TUB: variants seen among roughly 807,000 people sequenced by gnomAD.
TUB encodes tubby protein homolog.
A neutral mutation model predicts 59.7 loss-of-function variants in TUB; 33 were observed. The observed-to-expected ratio is 0.55, with a 90% CI of 0.42 to 0.74. TUB has a LOEUF of 0.74. TUB is among the 30% of genes least tolerant of loss of function. TUB has a pLI of 0.00. For missense variants in TUB, 659 were observed against 672.0 expected, an observed-to-expected ratio of 0.98 and a Z score of 0.21; for synonymous variants, 293 against 256.4, an observed-to-expected ratio of 1.14 and a Z score of -1.36.
chr11:8,087,659 G>A (rs970177079), intron 1 of TUB, among the ~76,000 whole-genome samples: 5 of 152,240 alleles, frequency 3.3e-5, no homozygotes, highest in Admixed American at 2.0e-4. Context: ...TGCACTGTGC[G>A]TGTGGCTGAC....
intron 2 of TUB, among the ~76,000 whole-genome samples, chr11:8,070,321 C>T (rs569759264): frequency 2.7e-5 from 4 of 149,670 alleles, no homozygotes; most frequent in African/African-American, 7.7e-5. Context: ...TTATAATCTT[C>T]TTTATATGAA....
At chr11:8,045,544 A>G (rs948615021) in intron 2 of TUB, among the ~76,000 whole-genome samples, 1 of 152,244 alleles carries the variant, frequency 6.6e-6, no homozygotes, top group Admixed American at 6.5e-5. Flanking sequence ...AATATCCGAA[A>G]CCTGAAACGC....
At chr11:8,070,051 A>G (rs1943331338) in intron 2 of TUB, among the ~76,000 whole-genome samples, 1 of 152,218 alleles carries the variant, frequency 6.6e-6, no homozygotes, top group Non-Finnish European at 1.5e-5. Flanking sequence ...CAACATGGCC[A>G]CACTGGCTTT....
chr11:8,032,949 G>T (rs533660032), intron 1 of TUB, among the ~76,000 whole-genome samples: 7 of 152,308 alleles, frequency 4.6e-5, no homozygotes, highest in Non-Finnish European at 1.0e-4. Flanking sequence ...AATCTGTTTT[G>T]TCACCCGAGA....
Position 8,100,897 on chromosome 11 carries a change from A to C in TUB, c.1287A>C (p.Thr429=). The change falls in exon 11 of 12, where the codon ACA becomes ACC. Residue 429 remains threonine, a synonymous_variant. Transcript: ENST00000299506. Reference sequence around the variant, plus strand: ...GTATCATCGAGCTGCAAAACAAGACACCTGTCTGGAATGATGACACACAGT... The same window carrying C: ...GTATCATCGAGCTGCAAAACAAGACCCCTGTCTGGAATGATGACACACAGT... ...TESIIELQNK[T]PVWNDDTQSY... 1.2e-6 allele frequency: 2 copies of C among 1,613,904 alleles called. No homozygotes were observed. The highest frequency in any genetic ancestry group is 1.7e-6 in the Non-Finnish European group (2 of 1,179,972).
At chr11:8,076,951 G>T (rs1384020222), upstream of TUB, 1 of 152,110 alleles carries the variant, frequency 6.6e-6, no homozygotes, top group Non-Finnish European at 1.5e-5. Context: ...CAACAGTGGT[G>T]CAATGGTCTT....
At chr11:8,095,129 TG>T (rs1943927514) in intron 4 of TUB, among the ~76,000 whole-genome samples, 1 of 152,260 alleles carries the variant, frequency 6.6e-6, no homozygotes, top group Non-Finnish European at 1.5e-5. Context: ...GGCTTGTAGC[TG>T]GTCGTGTCCA....
upstream of TUB, among the ~76,000 whole-genome samples, chr11:8,079,108 C>G (rs114239861): frequency 6.6e-6 from 1 of 152,132 alleles, no homozygotes. Flanking sequence ...TCAATTACTC[C>G]AGGCTCCTGA....
upstream of TUB, among the ~76,000 whole-genome samples, chr11:8,033,638 TCTC>T (rs1463678244): frequency 3.3e-5 from 5 of 152,144 alleles, no homozygotes; most frequent in African/African-American, 7.2e-5. Context: ...ACCGTCTTAT[TCTC>T]CTCGGGGCCA....
intron 1 of TUB, among the ~76,000 whole-genome samples, chr11:8,030,617 C>G (rs866428420): frequency 6.6e-6 from 1 of 152,180 alleles, no homozygotes; most frequent in Non-Finnish European, 1.5e-5. Context: ...AGGGAACAGC[C>G]TGTCCATGCT....
chr11:8,032,230 C>A (rs1942584403), intron 1 of TUB, among the ~76,000 whole-genome samples: 1 of 152,158 alleles, frequency 6.6e-6, no homozygotes, highest in Non-Finnish European at 1.5e-5. Flanking sequence ...CCAGTCCTGA[C>A]CCTTTATAGC....
At chr11:8,053,402 G>C (rs893370621) in intron 2 of TUB, among the ~76,000 whole-genome samples, 8 of 152,146 alleles carry the variant, frequency 5.3e-5, no homozygotes, top group African/African-American at 1.9e-4. Flanking sequence ...GATTAACCTT[G>C]CAGAATTAGT....
At chr11:8,061,428 T>C (rs1943124201) in intron 2 of TUB, among the ~76,000 whole-genome samples, 2 of 152,124 alleles carry the variant, frequency 1.3e-5, no homozygotes, top group South Asian at 4.1e-4. Context: ...CTGCGGTGCC[T>C]CTACAGGGAA....
At chr11:8,020,261 A>AC (rs1483620775) in intron 1 of TUB, among the ~76,000 whole-genome samples, 1 of 152,106 alleles carries the variant, frequency 6.6e-6, no homozygotes, top group Non-Finnish European at 1.5e-5. Context: ...CTGACCCATG[A>AC]CCCTAGATGG....
chr11:8,100,723 G>C lies in TUB; in HGVS notation c.1216-103G>C, dbSNP rs1022653186. On this transcript the variant is annotated intron_variant, in intron 10 of 11. Transcript: ENST00000299506. ...GGTACCATGTGAGAAAGCCCTGGAG[G>C]TCTAGGGAAATCCAAGGACCCCCAT... is the stretch of plus-strand genomic sequence containing the variant. 2.6e-6 allele frequency: 4 copies of C among 1,558,916 alleles called. No homozygotes were observed. In the African/African-American group the frequency reaches 5.4e-5, roughly 21 times the overall value.
chr11:8,035,790 C>G (rs1185862597), upstream of TUB: 1 of 152,338 alleles, frequency 6.6e-6, no homozygotes, highest in Non-Finnish European at 1.5e-5. Flanking sequence ...CGTCACTGGA[C>G]ATGCATGGAG....
chr11:8,099,269 A>G (rs535483302), intron 9 of TUB, among the ~76,000 whole-genome samples: 2 of 152,260 alleles, frequency 1.3e-5, no homozygotes, highest in African/African-American at 4.8e-5. Flanking sequence ...TAAGAGGTAG[A>G]TCCTATTTTC....
intron 2 of TUB, among the ~76,000 whole-genome samples, chr11:8,061,729 G>A (rs555445623): frequency 1.6e-4 from 24 of 152,196 alleles, no homozygotes; most frequent in Admixed American, 1.2e-3. Flanking sequence ...TACCCGCTAA[G>A]AGATCCAGAT....
Position 8,097,112 on chromosome 11 carries a change from C to T in TUB, c.688-116C>T. On this transcript the variant is annotated intron_variant, in intron 6 of 11. Transcript: ENST00000299506. ...GGCCCAGGCTGGCCAGGCCCCAATC[C>T]CAGGATCCTTCCCTCTCTCCCACCG... is the stretch of plus-strand genomic sequence containing the variant. 3.3e-6 allele frequency: 4 copies of T among 1,214,580 alleles called. No homozygotes were observed. The East Asian group carries it at 1.0e-4, about 30-fold the overall frequency. The allele number at this position is 1,214,580 out of a possible 1,614,324, so 75.2% of individuals were successfully genotyped here.
Sources: allele counts gnomAD v4.1 joint callset (sites outside exome capture counted in the v4.1 genomes callset), GRCh38; gene constraint gnomAD v4.1.1; transcripts MANE v1.5; gene names NCBI Gene and HGNC (gene_info 2026-07-23, HGNC 2026-07-21).